ALLC: variants seen among roughly 807,000 people sequenced by gnomAD.
The protein encoded by ALLC is allantoicase.
Under a neutral mutation model 45.0 loss-of-function variants are expected in ALLC, and 40 were observed. That is an observed-to-expected ratio of 0.89 (90% CI 0.69 to 1.16). The LOEUF is 1.16. Among genes scored for constraint, ALLC ranks in the 50% most tolerant of loss-of-function variants. The pLI is 0.00. For missense variants in ALLC, 488 were observed against 493.1 expected (o/e 0.99, Z 0.10); for synonymous variants, 176 against 178.1 (o/e 0.99, Z 0.09).
intron 10 of ALLC, among the ~76,000 whole-genome samples, chr2:3,701,269 C>T (rs909409709): frequency 2.6e-5 from 4 of 152,152 alleles, no homozygotes; most frequent in African/African-American, 9.7e-5. Flanking sequence ...GCGCCAGCCC[C>T]TTCACATATG....
the ALLC span, among the ~76,000 whole-genome samples, chr2:3,645,948 T>G: frequency 6.6e-6 from 1 of 152,174 alleles, no homozygotes. This position sits in a 1 kb window ranked among gnomAD's most constrained non-coding sequence, Gnocchi z 4.3. Context: ...CCGACGGCCC[T>G]TTGTTCTAAG....
At position 3,680,882 on chromosome 2, in the gene ALLC, C is replaced by T. The variant is rs1667159105; in HGVS notation, c.299-752C>T. Among the ~76,000 whole-genome samples the T allele has an allele frequency of 1.3e-5, 2 of 152,180 alleles. No individual in the cohort carries two copies. Among genetic ancestry groups the T allele is most frequent in the South Asian group, 4.1e-4 (2 of 4,828 alleles). On this transcript the variant is annotated intron_variant, in intron 5 of 11. Coordinates refer to ENST00000252505, the MANE Select transcript of ALLC (RefSeq NM_018436.4). This position sits in a 1 kb window ranked among gnomAD's most constrained non-coding sequence, Gnocchi z 4.0. Reference sequence around the variant, plus strand: ...GTTCACAGGATTGAGGCTAATCAGACATTGACATGGCAGATTCGCATCCAA... The same window carrying T: ...GTTCACAGGATTGAGGCTAATCAGATATTGACATGGCAGATTCGCATCCAA...
intron 1 of ALLC, among the ~76,000 whole-genome samples, chr2:3,668,216 T>C (rs1666778049): frequency 1.3e-5 from 2 of 152,268 alleles, no homozygotes; most frequent in Admixed American, 1.3e-4. Context: ...GAGGTGATTG[T>C]CAGGCAAAAG....
At chr2:3,676,291 G>C (rs1224415260) in intron 3 of ALLC, among the ~76,000 whole-genome samples, 1 of 152,064 alleles carries the variant, frequency 6.6e-6, no homozygotes, top group East Asian at 1.9e-4. Context: ...TTTTTTGGTG[G>C]GGGTGGGGCA....
chr2:3,659,812 C>T (rs1322888372), intron 1 of ALLC, among the ~76,000 whole-genome samples: 2 of 152,212 alleles, frequency 1.3e-5, no homozygotes, highest in Non-Finnish European at 2.9e-5. Flanking sequence ...CCCTGCACAG[C>T]ACAGGCCACT....
At chr2:3,682,687 G>T (rs569084289) in intron 6 of ALLC, among the ~76,000 whole-genome samples, 2 of 152,022 alleles carry the variant, frequency 1.3e-5, no homozygotes, top group East Asian at 3.9e-4. Context: ...CACCACGCCC[G>T]GCTAATTTTT....
At chr2:3,687,894 T>C (rs1402389519) in intron 7 of ALLC, 2 of 150,758 alleles carry the variant, frequency 1.3e-5, no homozygotes, top group Non-Finnish European at 3.0e-5. Flanking sequence ...AGATTCTCAG[T>C]ATGGTGGGAG....
rs1426329364 is a variant in ALLC at position 3,702,402 on chromosome 2, C to G, written c.1015C>G (p.Leu339Val). ...AAGTCATCTGTTCGATAGCCTGACC[C>G]TAGAGCTCCAAGATGTCATCACTCA... ...NQSHLFDSLT[L>V]ELQDVITHAR... The change falls in exon 12 of 12, where the codon CTA becomes GTA. Residue 339 changes from leucine (L) to valine (V), a missense_variant. Coordinates refer to ENST00000252505, the MANE Select transcript of ALLC (RefSeq NM_018436.4). 1 of 1,613,336 alleles carries G rather than the reference C, an allele frequency of 6.2e-7. No individual in the cohort carries two copies.
chr2:3,654,415 A>T (rs1255165239), upstream of ALLC, among the ~76,000 whole-genome samples: 1 of 152,250 alleles, frequency 6.6e-6, no homozygotes, highest in Non-Finnish European at 1.5e-5. Context: ...TGCTGGTTGC[A>T]CTGGGTGGTC....
chr2:3,648,729 C>T, the ALLC span, among the ~76,000 whole-genome samples: 23 of 152,214 alleles, frequency 1.5e-4, no homozygotes, highest in Non-Finnish European at 3.2e-4. Context: ...CAACCCCTGT[C>T]CTCCTGCAAA....
At chr2:3,649,366 T>G in the ALLC span, among the ~76,000 whole-genome samples, 4 of 151,842 alleles carry the variant, frequency 2.6e-5, no homozygotes, top group African/African-American at 9.7e-5. Context: ...CTCAGCCTCC[T>G]GAGCAGCTGG....
chr2:3,650,513 G>C, the ALLC span, among the ~76,000 whole-genome samples: 1 of 152,140 alleles, frequency 6.6e-6, no homozygotes, highest in Non-Finnish European at 1.5e-5. Flanking sequence ...GCGGGCAGCT[G>C]CAGCTCCAGC....
At chr2:3,657,436 T>C (rs1195709833), upstream of ALLC, among the ~76,000 whole-genome samples, 2 of 152,170 alleles carry the variant, frequency 1.3e-5, no homozygotes, top group Non-Finnish European at 2.9e-5. Flanking sequence ...AGGGCCCCTG[T>C]GCGCGCCATC....
intron 3 of ALLC, among the ~76,000 whole-genome samples, chr2:3,677,194 C>G (rs1667046612): frequency 6.6e-6 from 1 of 152,152 alleles, no homozygotes; most frequent in Admixed American, 6.5e-5. Context: ...TAGCGTGTGT[C>G]CCCAGCTTCC....
chr2:3,681,828 C>G (rs930137227), intron 6 of ALLC, 115 bp downstream of exon 6: 1 of 743,930 alleles, frequency 1.3e-6, no homozygotes, highest in Admixed American at 3.0e-5. Context: ...CCCTGATGCT[C>G]CCCACATCAT....
intron 3 of ALLC, among the ~76,000 whole-genome samples, chr2:3,677,958 T>C (rs1667069374): frequency 6.6e-6 from 1 of 152,188 alleles, no homozygotes; most frequent in Admixed American, 6.5e-5. Context: ...TGAAGAAGTG[T>C]GCTCAGCTGT....
chr2:3,696,693 G>C lies in ALLC; in HGVS notation c.741+345G>C, dbSNP rs372984164. 1.5e-4 allele frequency among the ~76,000 whole-genome samples: 23 copies of C among 152,316 alleles called. No individual in the cohort carries two copies. The East Asian group carries it at 1.5e-3, about 10-fold the overall frequency. On this transcript the variant is annotated intron_variant, in intron 9 of 11. Transcript: ENST00000252505. ...AAGAACCACTAGTTTAGCAATGTTTGATATCTGTGTATCTCAGGATTACAC... is the reference window on the plus strand; with the variant it reads ...AAGAACCACTAGTTTAGCAATGTTTCATATCTGTGTATCTCAGGATTACAC...
At chr2:3,666,322 G>A (rs1666723439) in intron 1 of ALLC, among the ~76,000 whole-genome samples, 1 of 152,256 alleles carries the variant, frequency 6.6e-6, no homozygotes, top group Admixed American at 6.5e-5. Flanking sequence ...GGTGTATCCA[G>A]TGTTTTGTAG....
the ALLC span, among the ~76,000 whole-genome samples, chr2:3,652,728 G>A: frequency 1.3e-5 from 2 of 151,794 alleles, no homozygotes; most frequent in East Asian, 1.9e-4. Flanking sequence ...GACTATAGGC[G>A]TGTGCCACAT....
Sources: allele counts gnomAD v4.1 joint callset (sites outside exome capture counted in the v4.1 genomes callset), GRCh38; gene constraint gnomAD v4.1.1; non-coding constraint Gnocchi (gnomAD v3.1); transcripts MANE v1.5; gene names NCBI Gene and HGNC (gene_info 2026-07-23, HGNC 2026-07-21).